Variants in ZYG11A observed in about 807,000 individuals in gnomAD.
ZYG11A encodes the protein zyg-11 family member A, cell cycle regulator, also known as protein zyg-11 homolog A.
Under a neutral mutation model 77.2 loss-of-function variants are expected in ZYG11A, and 62 were observed. The ratio of observed to expected loss-of-function variants is 0.80; its 90% CI spans 0.65 to 0.99. The LOEUF (loss-of-function observed/expected upper bound fraction) is 0.99, where lower values mean the gene tolerates loss of function less well. Among genes scored for constraint, ZYG11A ranks in the 50% least tolerant of loss-of-function variants. The pLI is 0.00. For synonymous variants in ZYG11A, 315 were observed against 324.6 expected (o/e 0.97, Z 0.32); for missense variants, 828 against 896.8 (o/e 0.92, Z 0.98).
intron 2 of ZYG11A, among the ~76,000 whole-genome samples, chr1:52,855,789 G>T (rs72895496): frequency 0.019 from 2,824 of 152,228 alleles, 59 homozygotes; most frequent in African/African-American, 0.063. Context: ...ATACCACATT[G>T]TATTTATCTG....
Position 52,862,559 on chromosome 1 carries a change from G to T in ZYG11A, c.1150-1422G>T, listed in dbSNP as rs912156125. Reference sequence around the variant, plus strand: ...GATTTCCTGACCTCGTGATCCGCCCGCATTGGCCTCCCAAAGTGCTGGGAT... The same window carrying T: ...GATTTCCTGACCTCGTGATCCGCCCTCATTGGCCTCCCAAAGTGCTGGGAT... On this transcript the variant is annotated intron_variant, in intron 4 of 13. Coordinates refer to ENST00000371528, the MANE Select transcript of ZYG11A (RefSeq NM_001004339.3). Among the ~76,000 whole-genome samples the T allele has an allele frequency of 9.2e-5, 14 of 152,022 alleles. No individual in the cohort carries two copies. The East Asian group carries it at 2.2e-3, about 23-fold the overall frequency.
At chr1:52,884,241 A>G (rs1207708480) in intron 11 of ZYG11A, among the ~76,000 whole-genome samples, 5 of 151,740 alleles carry the variant, frequency 3.3e-5, no homozygotes, top group Non-Finnish European at 7.4e-5. Context: ...TCACGCCTGT[A>G]ATCCCAGCAC....
rs1487197099 is a variant in ZYG11A at position 52,867,643 on chromosome 1, G to A, written c.1491+5G>A. 1.9e-6 allele frequency: 3 copies of A among 1,551,742 alleles called. No individual in the cohort carries two copies. The highest frequency in any genetic ancestry group is 2.6e-6 in the Non-Finnish European group (3 of 1,146,814). On this transcript the variant is annotated splice_donor_5th_base_variant and intron_variant, in intron 7 of 13. Coordinates refer to ENST00000371528, the MANE Select transcript of ZYG11A (RefSeq NM_001004339.3). ...ACCTCTATTCTGGCTCTGCAGGTTT[G>A]TGATTTCTTAAAGGCAAGATGTCTA...
rs1419080208 is a variant in ZYG11A at position 52,878,105 on chromosome 1, C to A, written c.1749+136C>A. 7 of 731,582 alleles carry A rather than the reference C, an allele frequency of 9.6e-6. 1 individual carries two copies. Among genetic ancestry groups the A allele is most frequent in the South Asian group, 3.5e-5 (2 of 56,542 alleles). The allele number at this position is 731,582 out of a possible 1,614,324, so 45.3% of individuals were successfully genotyped here. A position where few individuals can be genotyped will look rare whatever the true frequency, so the allele number is the denominator to read the frequency against. On this transcript the variant is annotated intron_variant, in intron 10 of 13. Coordinates refer to ENST00000371528, the MANE Select transcript of ZYG11A (RefSeq NM_001004339.3). ...TCATTTAATCTTTACATTAGCCCTA[C>A]AGAGTAAATACTATTGTATATCAGT...
rs1347541984 is a variant in ZYG11A at position 52,847,859 on chromosome 1, TA to T, written c.90+4887del. On this transcript the variant is annotated intron_variant, in intron 1 of 13. Coordinates refer to ENST00000371528, the MANE Select transcript of ZYG11A (RefSeq NM_001004339.3). ...TAATTTATTTATTTATTTATTTATT[TA>T]TTTATTTATTTATTTATTTATTTTT... Among the ~76,000 whole-genome samples the T allele has an allele frequency of 6.2e-3, 609 of 97,842 alleles. 5 individuals are homozygous for T. The highest frequency in any genetic ancestry group is 0.017 in the African/African-American group (525 of 30,976). The allele number at this position is 97,842 out of a possible 152,430, so 64.2% of individuals were successfully genotyped here.
At chr1:52,847,392 G>C (rs372145999) in intron 1 of ZYG11A, among the ~76,000 whole-genome samples, 151 of 152,012 alleles carry the variant, frequency 9.9e-4, no homozygotes, top group Middle Eastern at 6.8e-3. Flanking sequence ...TACAGACAGG[G>C]TTTCTCCATG....
In ZYG11A at chr1:52,854,547, C is replaced by T. The variant is rs1037962105; in HGVS notation, c.173C>T (p.Pro58Leu). 6 of 1,551,558 alleles carry T rather than the reference C, an allele frequency of 3.9e-6. No individual in the cohort carries two copies. Among genetic ancestry groups the T allele is most frequent in the Non-Finnish European group, 5.2e-6 (6 of 1,146,720 alleles). ...ANLEKLCSER[P>L]DGTLCLPEHW... Reference sequence around the variant, plus strand: ...CTGGAGAAATTGTGTTCTGAAAGACCTGATGGAACACTGTGCCTTCCGGAG... The same window carrying T: ...CTGGAGAAATTGTGTTCTGAAAGACTTGATGGAACACTGTGCCTTCCGGAG... The change falls in exon 2 of 14, where the codon CCT (proline) becomes CTT (leucine). Residue 58 changes from proline (P) to leucine (L), a missense_variant. Physicochemically the swap from Pro to Leu is moderately conservative, Grantham distance 98. Transcript: ENST00000371528.
intron 1 of ZYG11A, among the ~76,000 whole-genome samples, chr1:52,843,460 C>G (rs1056637770): frequency 4.6e-5 from 7 of 152,210 alleles, no homozygotes; most frequent in Non-Finnish European, 1.0e-4. Context: ...TTGGCCGTTA[C>G]CACCTGAGGC....
rs373959941 is a variant in ZYG11A at position 52,868,154 on chromosome 1, C to T, written c.1542+377C>T. On this transcript the variant is annotated intron_variant, in intron 8 of 13. Coordinates refer to ENST00000371528, the MANE Select transcript of ZYG11A (RefSeq NM_001004339.3). ...CTAATTTTTGTATTTTTAGTAGAGA[C>T]GGGGTTTCACCATGTTGGCCAGGCT... Among the ~76,000 whole-genome samples the T allele has an allele frequency of 2.6e-5, 4 of 151,452 alleles. No homozygotes were observed. The East Asian group carries it at 5.9e-4, about 22-fold the overall frequency.
At chr1:52,859,229 C>T (rs554118816) in intron 3 of ZYG11A, among the ~76,000 whole-genome samples, 2 of 150,292 alleles carry the variant, frequency 1.3e-5, no homozygotes, top group South Asian at 4.2e-4. Context: ...GTGCAGTGGT[C>T]CGATCTTGGC....
intron 11 of ZYG11A, among the ~76,000 whole-genome samples, chr1:52,882,979 C>CTCATCTTTTCTTTTTTTTTTTTTTTTT: frequency 6.7e-6 from 1 of 150,244 alleles, no homozygotes; most frequent in African/African-American, 2.5e-5. Context: ...CCTTCCCAGA[C>CTCATCTTTTCTTTTTTTTTTTTTTTTT]TCATCTTTTC....
At chr1:52,890,046 A>G (rs1050541597) in intron 13 of ZYG11A, among the ~76,000 whole-genome samples, 2 of 123,046 alleles carry the variant, frequency 1.6e-5, no homozygotes, top group Non-Finnish European at 3.3e-5. Flanking sequence ...TTTGCTCATC[A>G]CTGCTTGTTT....
chr1:52,852,070 AC>A (rs1645723852), intron 1 of ZYG11A, among the ~76,000 whole-genome samples: 1 of 149,900 alleles, frequency 6.7e-6, no homozygotes, highest in Admixed American at 6.7e-5. Context: ...GCCTGCCACC[AC>A]TCTCGGCTAA....
chr1:52,869,701 C>T lies in ZYG11A; in HGVS notation c.1542+1924C>T, dbSNP rs543541965. Among the ~76,000 whole-genome samples the T allele has an allele frequency of 3.3e-5, 5 of 152,024 alleles. No individual in the cohort carries two copies. In the South Asian group the frequency reaches 1.0e-3, roughly 32 times the overall value. On this transcript the variant is annotated intron_variant, in intron 8 of 13. Coordinates refer to ENST00000371528, the MANE Select transcript of ZYG11A (RefSeq NM_001004339.3). ...CTCAATCTTTTCCCCACCTTTCCTC[C>T]TTTTCTATTCCACAAAACCGCCATT...
At chr1:52,871,209 A>G (rs1365269875) in intron 8 of ZYG11A, among the ~76,000 whole-genome samples, 5 of 152,110 alleles carry the variant, frequency 3.3e-5, no homozygotes, top group African/African-American at 4.8e-5. Flanking sequence ...TGGCATGATC[A>G]TGGTTCATTG....
In ZYG11A at chr1:52,880,520, G is replaced by A. The variant is rs530638606; in HGVS notation, c.1750-951G>A. ...ACCTGTTTCTTGATTCTAGCCAAGG[G>A]AATATGGCAAAGATGATAAAATATC... On this transcript the variant is annotated intron_variant, in intron 10 of 13. Transcript: ENST00000371528. Among the ~76,000 whole-genome samples the A allele has an allele frequency of 2.6e-5, 4 of 152,196 alleles. No individual in the cohort carries two copies. In the East Asian group the frequency reaches 7.7e-4, roughly 29 times the overall value.
At chr1:52,869,993 C>T (rs1206260231) in intron 8 of ZYG11A, among the ~76,000 whole-genome samples, 6 of 149,552 alleles carry the variant, frequency 4.0e-5, no homozygotes, top group South Asian at 2.1e-4. Context: ...CCGGGCGGGG[C>T]GGCTGCCGGG....
At chr1:52,868,837 T>A (rs901892190) in intron 8 of ZYG11A, among the ~76,000 whole-genome samples, 12 of 152,196 alleles carry the variant, frequency 7.9e-5, no homozygotes, top group African/African-American at 2.9e-4. Context: ...CTTATTTTTT[T>A]ATTTTCATTT....
At chr1:52,859,172 A>C (rs915704197) in intron 3 of ZYG11A, among the ~76,000 whole-genome samples, 4 of 151,070 alleles carry the variant, frequency 2.6e-5, no homozygotes, top group African/African-American at 7.3e-5. Flanking sequence ...TGAGATCCCC[A>C]AATTTTTTTT....
Sources: gnomAD v4.1 joint callset for allele counts (sites outside exome capture counted in the v4.1 genomes callset) on GRCh38, gnomAD v4.1.1 for gene constraint, MANE v1.5 for transcripts, NCBI Gene and HGNC (gene_info 2026-07-23, HGNC 2026-07-21) for gene names.